The following ADD1 variants were observed in gnomAD, a reference collection of about 807,000 sequenced individuals.
The protein encoded by ADD1 is alpha-adducin.
Under a neutral mutation model 80.5 loss-of-function variants are expected in ADD1, and 24 were observed. That is an observed-to-expected ratio of 0.30 (90% confidence interval 0.22 to 0.42). The LOEUF (loss-of-function observed/expected upper bound fraction) is 0.42. Ranked by LOEUF, ADD1 falls within the 10% of genes least tolerant of loss-of-function variation. The pLI is 1.00. For missense variants in ADD1, 948 were observed against 1,019.0 expected (o/e 0.93, Z 0.95); for synonymous variants, 373 against 393.8 (o/e 0.95, Z 0.63).
chr4:2,899,151 A>T, intron 8 of ADD1, 108 bp from the exon 9 acceptor site: 1 of 1,115,090 alleles, frequency 9.0e-7, no homozygotes, highest in Non-Finnish European at 1.3e-6. Context: ...TTTTATTCTT[A>T]CACTCTAGAG....
rs533285586 is a variant in ADD1, at chr4:2,922,871, A to G, written c.1949-3143A>G. 2.0e-5 allele frequency among the ~76,000 whole-genome samples: 3 copies of G among 152,366 alleles called. No individual in the cohort carries two copies. In the East Asian group the frequency reaches 5.8e-4, roughly 29 times the overall value. On this transcript the variant is annotated intron_variant, in intron 14 of 15. Transcript: ENST00000683351. ...GAATCTAGAGAGGCAGTCTGGCTAC[A>G]GTGGCTTTGCATAGCTGCGGTGGGC...
intron 4 of ADD1, among the ~76,000 whole-genome samples, chr4:2,886,641 A>G (rs1733421231): frequency 6.6e-6 from 1 of 152,056 alleles, no homozygotes; most frequent in South Asian, 2.1e-4. Context: ...CCCGTGGCAA[A>G]GAGTAGGCAT....
chr4:2,892,254 G>C (rs1345028592), intron 4 of ADD1, among the ~76,000 whole-genome samples: 1 of 152,140 alleles, frequency 6.6e-6, no homozygotes, highest in African/African-American at 2.4e-5. Flanking sequence ...CCAACTGTCC[G>C]ACCCTAGTTA....
Position 2,898,256 on chromosome 4 carries a change from G to A in ADD1, c.814G>A (p.Asp272Asn). ...TTCCCTTGGAGAAGTGGCTTATCATGACTACCATGGCATTCTGGTTGATGA... is the reference window on the plus strand; with the variant it reads ...TTCCCTTGGAGAAGTGGCTTATCATAACTACCATGGCATTCTGGTTGATGA... ...ALSLGEVAYH[D>N]YHGILVDEEE... Residue 272 changes from aspartate to asparagine, a missense_variant, in exon 7 of 16, where the codon GAC becomes AAC. Coordinates refer to ENST00000683351, the MANE Select transcript of ADD1 (RefSeq NM_001354761.2). The A allele has an allele frequency of 6.2e-7, 1 of 1,614,200 alleles. No homozygotes were observed. The highest frequency in any genetic ancestry group is 8.5e-7 in the Non-Finnish European group (1 of 1,180,044).
At chr4:2,913,654 C>A (rs1738456397) in intron 13 of ADD1, among the ~76,000 whole-genome samples, 1 of 151,902 alleles carries the variant, frequency 6.6e-6, no homozygotes, top group African/African-American at 2.4e-5. Context: ...GGTAACCCCT[C>A]AGCCCATCCC....
chr4:2,877,160 G>GT (rs774045936), intron 2 of ADD1, among the ~76,000 whole-genome samples: 5 of 152,154 alleles, frequency 3.3e-5, no homozygotes, highest in Non-Finnish European at 7.4e-5. Context: ...TCAGGTCGTT[G>GT]TATCTGCGTA....
chr4:2,855,827 G>C (rs1257952794), intron 1 of ADD1, among the ~76,000 whole-genome samples: 3 of 151,632 alleles, frequency 2.0e-5, no homozygotes, highest in Non-Finnish European at 4.4e-5. Flanking sequence ...CAGCCCCCAA[G>C]TAGCTGGGAC....
chr4:2,918,036 G>A (rs1292506575), intron 14 of ADD1, among the ~76,000 whole-genome samples: 3 of 152,190 alleles, frequency 2.0e-5, no homozygotes, highest in Non-Finnish European at 4.4e-5. Context: ...GAAATTTGAA[G>A]TAGTTTTTTC....
intron 1 of ADD1, among the ~76,000 whole-genome samples, chr4:2,852,953 G>T (rs905487932): frequency 6.6e-6 from 1 of 152,030 alleles, no homozygotes; most frequent in African/African-American, 2.4e-5. Context: ...AGATAAGCAG[G>T]ACATTTGTAG....
At chr4:2,880,030 C>G (rs1036169383) in intron 2 of ADD1, among the ~76,000 whole-genome samples, 5 of 152,148 alleles carry the variant, frequency 3.3e-5, no homozygotes, top group Non-Finnish European at 5.9e-5. Flanking sequence ...TTTATTTGCA[C>G]ATATCTCCCT....
Position 2,929,593 on chromosome 4 carries a change from G to C in ADD1, c.*1070G>C, listed in dbSNP as rs1712671186. 1 of 152,312 alleles carries C rather than the reference G, an allele frequency of 6.6e-6. No individual in the cohort carries two copies. The highest frequency in any genetic ancestry group is 1.5e-5 in the Non-Finnish European group (1 of 68,080). 9.4% of individuals were successfully genotyped at this position (152,312 alleles called of 1,614,324 possible). On this transcript the variant is annotated 3_prime_UTR_variant, in exon 16 of 16. Coordinates refer to ENST00000683351, the MANE Select transcript of ADD1 (RefSeq NM_001354761.2). ...GGAACCGGAGGGTGACCCATTTCAG[G>C]AGGTGCCGGTACCAGCCTGACTAGG...
intron 4 of ADD1, among the ~76,000 whole-genome samples, chr4:2,890,533 A>G (rs898823314): frequency 1.1e-4 from 17 of 152,028 alleles, no homozygotes; most frequent in African/African-American, 2.7e-4. Flanking sequence ...CAACCTCCCG[A>G]GTAGCTGGGA....
intron 1 of ADD1, among the ~76,000 whole-genome samples, chr4:2,870,594 T>C (rs946389959): frequency 6.6e-6 from 1 of 152,244 alleles, no homozygotes; most frequent in Non-Finnish European, 1.5e-5. Context: ...CAGAGTACTT[T>C]ACAGTTTTCA....
chr4:2,848,223 A>G (rs1726544726), intron 1 of ADD1, among the ~76,000 whole-genome samples: 1 of 152,144 alleles, frequency 6.6e-6, no homozygotes, highest in African/African-American at 2.4e-5. Flanking sequence ...AAAAAAAAAA[A>G]AAAATAGGAA....
At chr4:2,909,210 C>T (rs976705087) in intron 12 of ADD1, 129 bp from the exon 13 acceptor site, 1 of 756,682 alleles carries the variant, frequency 1.3e-6, no homozygotes, top group Non-Finnish European at 2.2e-6. Flanking sequence ...GTCCTGCCAT[C>T]ATCACTGCCA....
At chr4:2,846,091 AAATG>A (rs140732774) in intron 1 of ADD1, among the ~76,000 whole-genome samples, 2,645 of 152,344 alleles carry the variant, frequency 0.017, 53 homozygotes, top group African/African-American at 0.045. Flanking sequence ...CTATCACAGA[AAATG>A]AATAATTCCT....
rs543677020 is a variant in ADD1, at chr4:2,880,717, C to T, written c.196-1181C>T. On this transcript the variant is annotated intron_variant, in intron 2 of 15. Coordinates refer to ENST00000683351, the MANE Select transcript of ADD1 (RefSeq NM_001354761.2). The stretch of plus-strand genomic sequence containing the variant: ...GTCTCGATCTCCTGACCTCGTGATC[C>T]GCCCGCCTCGGCCTCCCAAAGTGCT... 5.3e-5 allele frequency among the ~76,000 whole-genome samples: 8 copies of T among 151,878 alleles called. No individual in the cohort carries two copies. In the South Asian group the frequency reaches 6.2e-4, roughly 12 times the overall value.
chr4:2,884,423 T>C, intron 3 of ADD1, 92 bp from the exon 4 acceptor site: 1 of 1,054,578 alleles, frequency 9.5e-7, no homozygotes, highest in Non-Finnish European at 1.3e-6. Flanking sequence ...ACTCATGGCT[T>C]CAAGTGATCC....
At chr4:2,867,711 T>C (rs1222590792) in intron 1 of ADD1, among the ~76,000 whole-genome samples, 2 of 152,200 alleles carry the variant, frequency 1.3e-5, no homozygotes, top group African/African-American at 4.8e-5. Context: ...GAGGACCCAC[T>C]TGAGTAGGCT....
Sources: allele counts gnomAD v4.1 joint callset (sites outside exome capture counted in the v4.1 genomes callset), GRCh38; gene constraint gnomAD v4.1.1; transcripts MANE v1.5; gene names NCBI Gene and HGNC (gene_info 2026-07-23, HGNC 2026-07-21).